Variants in MPPED2 observed in about 807,000 individuals in gnomAD.
MPPED2 encodes the protein metallophosphoesterase MPPED2.
In MPPED2, 5 loss-of-function variants were observed where a neutral mutation model predicts 33.0. The observed-to-expected ratio is 0.15, with a 90% CI of 0.08 to 0.32. The LOEUF is 0.32. MPPED2 is among the 10% of genes least tolerant of loss of function. MPPED2 has a pLI of 1.00. For missense variants in MPPED2, 275 were observed against 372.1 expected, an observed-to-expected ratio of 0.74 and a Z score of 2.15; for synonymous variants, 136 against 141.9, an observed-to-expected ratio of 0.96 and a Z score of 0.29.
chr11:30,578,078 T>C (rs1003608995), intron 2 of MPPED2, among the ~76,000 whole-genome samples: 5 of 149,488 alleles, frequency 3.3e-5, no homozygotes, highest in Middle Eastern at 3.4e-3. Context: ...TATAAAGTGT[T>C]GCCAAGTAAC....
rs1377768083 is a variant in MPPED2 at position 30,476,931 on chromosome 11, T to G, written c.536+18365A>C. On this transcript the variant is annotated intron_variant, in intron 4 of 6. Transcript: ENST00000358117. Reference sequence around the variant, plus strand: ...GTTGTTTGGTTTTTCAGTGAAGAGATTCTACATATCTTTTGTTATATTTGC... The same window carrying G: ...GTTGTTTGGTTTTTCAGTGAAGAGAGTCTACATATCTTTTGTTATATTTGC... Among the ~76,000 whole-genome samples, 4 of 152,070 alleles carry G rather than the reference T, an allele frequency of 2.6e-5. No homozygotes were observed. In the East Asian group the frequency reaches 5.8e-4, roughly 22 times the overall value.
chr11:30,505,476 A>G (rs1490088457), intron 3 of MPPED2, among the ~76,000 whole-genome samples: 1 of 152,190 alleles, frequency 6.6e-6, no homozygotes, highest in African/African-American at 2.4e-5. Context: ...ATGCAACTCC[A>G]ATTATATTCC....
intron 3 of MPPED2, among the ~76,000 whole-genome samples, chr11:30,518,070 G>T (rs1953637347): frequency 6.6e-6 from 1 of 152,038 alleles, no homozygotes; most frequent in Non-Finnish European, 1.5e-5. Flanking sequence ...TCAAACATTA[G>T]ATCTGAGAAC....
chr11:30,563,377 T>G (rs958601568), intron 2 of MPPED2, among the ~76,000 whole-genome samples: 2 of 152,148 alleles, frequency 1.3e-5, no homozygotes, highest in Non-Finnish European at 2.9e-5. Flanking sequence ...CAATAGGGTT[T>G]GGGCTCCTAT....
chr11:30,494,638 T>C (rs992401992), intron 4 of MPPED2, among the ~76,000 whole-genome samples: 3 of 147,030 alleles, frequency 2.0e-5, no homozygotes, highest in Admixed American at 1.4e-4. Flanking sequence ...CTTTGGAGGC[T>C]GAGGCAGGAG....
intron 4 of MPPED2, among the ~76,000 whole-genome samples, chr11:30,457,382 C>CAAA (rs146074145): frequency 2.3e-5 from 3 of 129,538 alleles, no homozygotes; most frequent in East Asian, 4.7e-4. Context: ...CCTAATTTTC[C>CAAA]AAAAAAAAAA....
intron 4 of MPPED2, among the ~76,000 whole-genome samples, chr11:30,473,066 A>T (rs1204346206): frequency 6.6e-6 from 1 of 152,240 alleles, no homozygotes; most frequent in Non-Finnish European, 1.5e-5. Flanking sequence ...GTGGTTAAAA[A>T]AAGTTTAAAA....
At chr11:30,392,896 C>T (rs1947797911) in intron 6 of MPPED2, among the ~76,000 whole-genome samples, 1 of 152,160 alleles carries the variant, frequency 6.6e-6, no homozygotes, top group South Asian at 2.1e-4. Flanking sequence ...AGTGTGTCCA[C>T]TAGCTTCTTT....
intron 4 of MPPED2, among the ~76,000 whole-genome samples, chr11:30,435,630 T>C (rs1949289323): frequency 6.6e-6 from 1 of 152,206 alleles, no homozygotes; most frequent in African/African-American, 2.4e-5. Flanking sequence ...TGACAGACAC[T>C]GGACCAACAA....
chr11:30,533,560 C>A (rs1433450347), intron 3 of MPPED2, among the ~76,000 whole-genome samples: 1 of 152,154 alleles, frequency 6.6e-6, no homozygotes, highest in Non-Finnish European at 1.5e-5. Context: ...GCTAGAAGCA[C>A]CCTTTCAGAA....
At chr11:30,396,033 G>A (rs1424513356) in intron 6 of MPPED2, among the ~76,000 whole-genome samples, 1 of 152,096 alleles carries the variant, frequency 6.6e-6, no homozygotes, top group Non-Finnish European at 1.5e-5. Flanking sequence ...ATCATACTGA[G>A]ATGCTTGCTT....
At chr11:30,433,327 T>G (rs1949167655) in intron 4 of MPPED2, among the ~76,000 whole-genome samples, 1 of 152,230 alleles carries the variant, frequency 6.6e-6, no homozygotes, top group Admixed American at 6.5e-5. Flanking sequence ...CTAAACATAT[T>G]GGACCCCCTA....
chr11:30,458,147 T>C (rs1284405091), intron 4 of MPPED2, among the ~76,000 whole-genome samples: 3 of 152,170 alleles, frequency 2.0e-5, no homozygotes, highest in Non-Finnish European at 4.4e-5. Context: ...GAGATTAAGA[T>C]GAAATGATCT....
At chr11:30,492,472 G>T (rs1027282922) in intron 4 of MPPED2, among the ~76,000 whole-genome samples, 3 of 151,876 alleles carry the variant, frequency 2.0e-5, no homozygotes, top group Non-Finnish European at 2.9e-5. Context: ...TTTAAACAAT[G>T]ATCTTAACTT....
At chr11:30,574,546 C>T (rs1459632023) in intron 2 of MPPED2, among the ~76,000 whole-genome samples, 4 of 152,276 alleles carry the variant, frequency 2.6e-5, no homozygotes, top group South Asian at 4.1e-4. Flanking sequence ...TATAAGACGA[C>T]GAAGTAGGCA....
intron 4 of MPPED2, among the ~76,000 whole-genome samples, chr11:30,442,317 G>T (rs1304247313): frequency 6.6e-6 from 1 of 152,174 alleles, no homozygotes; most frequent in African/African-American, 2.4e-5. Flanking sequence ...AATAAAATCT[G>T]TGAATGTTTG....
intron 6 of MPPED2, among the ~76,000 whole-genome samples, chr11:30,390,511 G>A (rs1947758807): frequency 6.6e-6 from 1 of 152,206 alleles, no homozygotes; most frequent in African/African-American, 2.4e-5. Flanking sequence ...TATGGTAATG[G>A]AGGCCGGAGT....
intron 5 of MPPED2, among the ~76,000 whole-genome samples, chr11:30,415,623 TTTTA>T (rs1241468103): frequency 3.9e-5 from 6 of 152,188 alleles, no homozygotes; most frequent in Non-Finnish European, 8.8e-5. Flanking sequence ...TTGCCTGACC[TTTTA>T]TTTGGGAACT....
At chr11:30,571,699 A>C (rs1046467543) in intron 2 of MPPED2, among the ~76,000 whole-genome samples, 2 of 152,186 alleles carry the variant, frequency 1.3e-5, no homozygotes, top group African/African-American at 4.8e-5. Flanking sequence ...TGATGAATAG[A>C]TCTTCCAAGA....
Sources: allele counts gnomAD v4.1 joint callset (sites outside exome capture counted in the v4.1 genomes callset), GRCh38; gene constraint gnomAD v4.1.1; transcripts MANE v1.5; gene names NCBI Gene and HGNC (gene_info 2026-07-23, HGNC 2026-07-21).